SLC30A7: variants seen among roughly 807,000 people sequenced by gnomAD.
The protein encoded by SLC30A7 is solute carrier family 30 member 7, also known as zinc transporter 7.
In SLC30A7, 35 loss-of-function variants were observed where a neutral mutation model predicts 46.0. The observed-to-expected ratio is 0.76, with a 90% CI of 0.58 to 1.01. SLC30A7 has a LOEUF of 1.01. Among genes scored for constraint, SLC30A7 ranks in the 50% least tolerant of loss-of-function variants. The probability of loss-of-function intolerance (pLI) is 0.00; values close to 1 mark genes in which losing one functional copy is unlikely to be tolerated. For missense variants in SLC30A7, 464 were observed against 451.1 expected (o/e 1.03, Z -0.26); for synonymous variants, 147 against 157.8 (o/e 0.93, Z 0.51).
Position 100,979,204 on chromosome 1 carries a change from C to T in SLC30A7, c.*4347C>T, listed in dbSNP as rs1249037084. ...TGCTATTTCTAACTCTTCATGAAAGCATTACCTTTGGAAAGTTAAACTTTT... is the reference window on the plus strand; with the variant it reads ...TGCTATTTCTAACTCTTCATGAAAGTATTACCTTTGGAAAGTTAAACTTTT... On this transcript the variant is annotated 3_prime_UTR_variant, in exon 11 of 11. Transcript: ENST00000357650. 1 of 151,986 alleles carries T rather than the reference C, an allele frequency of 6.6e-6. No homozygotes were observed. The highest frequency in any genetic ancestry group is 2.4e-5 in the African/African-American group (1 of 41,404). The allele number at this position is 151,986 out of a possible 1,614,324, so 9.4% of individuals were successfully genotyped here.
At chr1:100,962,548 A>C (rs1436010631) in intron 9 of SLC30A7, among the ~76,000 whole-genome samples, 1 of 152,230 alleles carries the variant, frequency 6.6e-6, no homozygotes, top group Non-Finnish European at 1.5e-5. Context: ...GTGTTTGAAG[A>C]ACAGAATAAA....
chr1:100,905,432 T>A (rs1435413847), intron 2 of SLC30A7, among the ~76,000 whole-genome samples: 2 of 152,102 alleles, frequency 1.3e-5, no homozygotes, highest in African/African-American at 4.8e-5. Flanking sequence ...TGTGATTTAT[T>A]TTCTTTTATG....
Position 100,907,915 on chromosome 1 carries a change from T to C in SLC30A7, c.296+950T>C, listed in dbSNP as rs114495961. On this transcript the variant is annotated intron_variant, in intron 3 of 10. Coordinates refer to ENST00000357650, the MANE Select transcript of SLC30A7 (RefSeq NM_133496.5). ...CTCTTTTTTCCTCTCTCTTCCTTCT[T>C]CTGTCCCCCTATACCTTTCCTGTCT... Among the ~76,000 whole-genome samples, 600 of 152,206 alleles carry C rather than the reference T, an allele frequency of 3.9e-3. 7 individuals are homozygous for C. Among genetic ancestry groups the C allele is most frequent in the African/African-American group, 0.014 (574 of 41,530 alleles).
At chr1:100,934,871 C>T (rs1421853098) in intron 8 of SLC30A7, among the ~76,000 whole-genome samples, 5 of 152,028 alleles carry the variant, frequency 3.3e-5, no homozygotes. Flanking sequence ...TGCTCAATTG[C>T]AAGTTTTTGT....
rs115151045 is a variant in SLC30A7, at chr1:100,949,505, T to A, written c.843-12323T>A. Among the ~76,000 whole-genome samples the A allele has an allele frequency of 6.7e-3, 1,026 of 152,302 alleles. 18 individuals are homozygous for A. The highest frequency in any genetic ancestry group is 0.022 in the African/African-American group (896 of 41,558). ...GAGGAGGCAGTCTGTCCGTTCTCAG[T>A]GCTCAAAACACCATGCTAGGAGAAC... On this transcript the variant is annotated intron_variant, in intron 8 of 10. Transcript: ENST00000357650.
intron 8 of SLC30A7, among the ~76,000 whole-genome samples, chr1:100,942,476 A>T (rs1557996434): frequency 6.6e-6 from 1 of 152,234 alleles, no homozygotes; most frequent in African/African-American, 2.4e-5. Flanking sequence ...TCACCCAGCA[A>T]CAATCAACAC....
At chr1:100,948,079 G>C (rs1654747831) in intron 8 of SLC30A7, among the ~76,000 whole-genome samples, 2 of 152,116 alleles carry the variant, frequency 1.3e-5, no homozygotes, top group Admixed American at 1.3e-4. Flanking sequence ...GTGTGAATTT[G>C]ATCCTGTCAT....
At chr1:100,938,368 A>G (rs909911983) in intron 8 of SLC30A7, among the ~76,000 whole-genome samples, 2 of 152,222 alleles carry the variant, frequency 1.3e-5, no homozygotes, top group Non-Finnish European at 2.9e-5. Flanking sequence ...GTAAACTACT[A>G]TATAGAATTA....
intron 9 of SLC30A7, among the ~76,000 whole-genome samples, chr1:100,964,355 CAT>C (rs1558007344): frequency 1.0e-5 from 1 of 99,680 alleles, no homozygotes; most frequent in African/African-American, 4.6e-5. Flanking sequence ...TATACATATA[CAT>C]ATGTATATGT....
the SLC30A7 span, among the ~76,000 whole-genome samples, chr1:100,993,231 C>T: frequency 6.6e-6 from 1 of 152,046 alleles, no homozygotes; most frequent in Non-Finnish European, 1.5e-5. Flanking sequence ...GCCTATCAGG[C>T]TTGCCGAACT....
intron 8 of SLC30A7, among the ~76,000 whole-genome samples, chr1:100,961,246 C>A (rs185989346): frequency 6.6e-6 from 1 of 152,048 alleles, no homozygotes; most frequent in Non-Finnish European, 1.5e-5. Context: ...CAGGCATGAG[C>A]CACCGCGCCC....
chr1:100,950,693 A>G (rs1268754505), intron 8 of SLC30A7, among the ~76,000 whole-genome samples: 1 of 152,178 alleles, frequency 6.6e-6, no homozygotes, highest in Non-Finnish European at 1.5e-5. Flanking sequence ...TCAGGACTTT[A>G]CTGTAGGCAA....
In SLC30A7 at chr1:100,906,954, T is replaced by C. The variant is rs1020831970; in HGVS notation, c.285T>C (p.Ala95=). 4.4e-6 allele frequency: 7 copies of C among 1,606,878 alleles called. No homozygotes were observed. Among genetic ancestry groups the C allele is most frequent in the Admixed American group, 3.3e-5 (2 of 59,906 alleles). The change falls in exon 3 of 11, where the codon GCT becomes GCC. Residue 95 remains alanine (A), a synonymous_variant. Transcript: ENST00000357650. The stretch of plus-strand genomic sequence containing the variant: ...TTTCAAAATGGAGAGATAATGATGC[T>C]TTCTCCTATGGGTAAGACTTTAAGA... ...SVISKWRDND[A]FSYGYVRAEV...
At chr1:100,949,184 G>A (rs1404527721) in intron 8 of SLC30A7, among the ~76,000 whole-genome samples, 3 of 152,002 alleles carry the variant, frequency 2.0e-5, no homozygotes, top group Non-Finnish European at 4.4e-5. Context: ...TCTATGATGG[G>A]GTTTTGGTGT....
intron 2 of SLC30A7, among the ~76,000 whole-genome samples, chr1:100,898,409 G>A (rs1044274373): frequency 1.3e-5 from 2 of 152,090 alleles, no homozygotes; most frequent in Non-Finnish European, 1.5e-5. Flanking sequence ...AGTTGTAGTC[G>A]ACTTGTTCTT....
chr1:100,911,301 T>C, intron 4 of SLC30A7, 151 bp downstream of exon 4: 2 of 552,738 alleles, frequency 3.6e-6, no homozygotes, highest in Non-Finnish European at 6.2e-6. Context: ...GCTTACAAAA[T>C]AGTTGAAAAA....
intron 5 of SLC30A7, 54 bp from the exon 6 acceptor site, chr1:100,913,609 C>T: frequency 7.7e-7 from 1 of 1,305,110 alleles, no homozygotes; most frequent in Non-Finnish European, 1.1e-6. Flanking sequence ...ATAATTGTAA[C>T]CATTTATATA....
intron 8 of SLC30A7, among the ~76,000 whole-genome samples, chr1:100,951,950 G>T (rs1226983662): frequency 1.3e-5 from 2 of 152,308 alleles, no homozygotes; most frequent in South Asian, 4.2e-4. Flanking sequence ...ATAAAAAAGG[G>T]ATCTTAAAAG....
chr1:100,920,528 C>T (rs752642606), intron 7 of SLC30A7, among the ~76,000 whole-genome samples: 13 of 151,754 alleles, frequency 8.6e-5, no homozygotes, highest in South Asian at 4.2e-4. Flanking sequence ...TGTATATAAA[C>T]GAAAAGTTAT....
Sources: allele counts gnomAD v4.1 joint callset (sites outside exome capture counted in the v4.1 genomes callset), GRCh38; gene constraint gnomAD v4.1.1; transcripts MANE v1.5; gene names NCBI Gene and HGNC (gene_info 2026-07-23, HGNC 2026-07-21).